Variants in SMPD2 observed in about 807,000 individuals in gnomAD.
The protein encoded by SMPD2 is sphingomyelin phosphodiesterase 2.
In SMPD2, 35 loss-of-function variants were observed where a neutral mutation model predicts 41.7. That is an observed-to-expected ratio of 0.84 (90% confidence interval 0.64 to 1.11). The LOEUF (loss-of-function observed/expected upper bound fraction) is 1.11. Among genes scored for constraint, SMPD2 ranks in the 50% most tolerant of loss-of-function variants. SMPD2 has a pLI of 0.00. For synonymous variants in SMPD2, 201 were observed against 208.2 expected, an observed-to-expected ratio of 0.97 and a Z score of 0.30; for missense variants, 520 against 524.8, an observed-to-expected ratio of 0.99 and a Z score of 0.09.
rs1774876194 is a variant in SMPD2 at position 109,441,412 on chromosome 6, T to C, written c.106T>C (p.Phe36Leu). Residue 36 changes from phenylalanine (F) to leucine (L), a missense_variant, in exon 2 of 10, where the codon TTT becomes CTT. Coordinates refer to ENST00000258052, the MANE Select transcript of SMPD2 (RefSeq NM_003080.3). ...CGACCGCATGAGGCGCCTGGGAGAC[T>C]TTCTGAACCAGGAGAGCTTCGACCT... Reference protein sequence around the residue: ...RADRMRRLGDFLNQESFDLAL... With the variant: ...RADRMRRLGDLLNQESFDLAL... 1 of 1,614,056 alleles carries C rather than the reference T, an allele frequency of 6.2e-7. No individual in the cohort carries two copies. Among genetic ancestry groups the C allele is most frequent in the Admixed American group, 1.7e-5 (1 of 60,004 alleles).
In SMPD2 at chr6:109,440,777, C is replaced by T. The variant is rs1026677283; in HGVS notation, c.-345C>T. 2 of 339,708 alleles carry T rather than the reference C, an allele frequency of 5.9e-6. No homozygotes were observed. The highest frequency in any genetic ancestry group is 4.3e-5 in the African/African-American group (2 of 46,120). The allele number at this position is 339,708 out of a possible 1,614,324, so 21.0% of individuals were successfully genotyped here. On this transcript the variant is annotated 5_prime_UTR_variant, in exon 1 of 10. Coordinates refer to ENST00000258052, the MANE Select transcript of SMPD2 (RefSeq NM_003080.3). ...CCGGCGCGCGGGCGGCCGCGACCGC[C>T]GGGGACGAGCTTGGAGGAAAAGGAA...
chr6:109,441,002 G>A lies in SMPD2; in HGVS notation c.-120G>A, dbSNP rs1774841546. On this transcript the variant is annotated 5_prime_UTR_variant, in exon 1 of 10. The change creates a new upstream start codon in the 5' untranslated region. Coordinates refer to ENST00000258052, the MANE Select transcript of SMPD2 (RefSeq NM_003080.3). ...AGCCACGCGGGCTTGGTGCCCACCT[G>A]TGCGCGCCGCCTGCGAAGAAGGAAC... 2.0e-6 allele frequency: 2 copies of A among 1,021,438 alleles called. No homozygotes were observed. Among genetic ancestry groups the A allele is most frequent in the African/African-American group, 1.6e-5 (1 of 62,504 alleles). The allele number at this position is 1,021,438 out of a possible 1,614,324, so 63.3% of individuals were successfully genotyped here.
intron 5 of SMPD2, 122 bp downstream of exon 5, chr6:109,442,421 C>A: frequency 7.5e-7 from 1 of 1,333,478 alleles, no homozygotes; most frequent in Non-Finnish European, 1.1e-6. Flanking sequence ...TATAAGGAAG[C>A]AATGGGCAAG....
intron 3 of SMPD2, 115 bp downstream of exon 3, chr6:109,441,743 A>G: frequency 9.6e-7 from 1 of 1,040,090 alleles, no homozygotes; most frequent in South Asian, 1.3e-5. Context: ...CTCCCTCTGG[A>G]TGTGAGAGAA....
At chr6:109,441,525 A>G in intron 2 of SMPD2, 27 bp from the exon 3 acceptor site, 1 of 1,613,930 alleles carries the variant, frequency 6.2e-7, no homozygotes, top group Non-Finnish European at 8.5e-7. Context: ...GGAAAGACCA[A>G]GCAGGCATCC....
rs529756695 is a variant in SMPD2 at position 109,440,773 on chromosome 6, C to T, written c.-349C>T. On this transcript the variant is annotated 5_prime_UTR_variant, in exon 1 of 10. Transcript: ENST00000258052. ...GCCGCCGGCGCGCGGGCGGCCGCGA[C>T]CGCCGGGGACGAGCTTGGAGGAAAA... The T allele has an allele frequency of 9.0e-6, 3 of 334,980 alleles. No homozygotes were observed. The South Asian group carries it at 3.5e-4, about 39-fold the overall frequency. The allele number at this position is 334,980 out of a possible 1,614,324, so 20.8% of individuals were successfully genotyped here.
chr6:109,442,813 G>C lies in SMPD2; in HGVS notation c.553G>C (p.Asp185His). The change falls in exon 7 of 10, where the codon GAC (aspartate) becomes CAC (histidine). Residue 185 changes from aspartate to histidine, a missense_variant. By Grantham distance (81) the Asp-to-His change is moderately conservative. Coordinates refer to ENST00000258052, the MANE Select transcript of SMPD2 (RefSeq NM_003080.3). Reference sequence around the variant, plus strand: ...TGGAGACCTCAACATGCACCCAGAAGACCTGGGCTGCTGCCTGCTGAAGGA... The same window carrying C: ...TGGAGACCTCAACATGCACCCAGAACACCTGGGCTGCTGCCTGCTGAAGGA... ...LCGDLNMHPE[D>H]LGCCLLKEWT... is the part of the protein sequence containing the mutation. The C allele has an allele frequency of 6.2e-7, 1 of 1,614,200 alleles. No individual in the cohort carries two copies. The highest frequency in any genetic ancestry group is 8.5e-7 in the Non-Finnish European group (1 of 1,180,042).
chr6:109,443,157 G>A, intron 8 of SMPD2, 76 bp downstream of exon 8: 2 of 1,549,706 alleles, frequency 1.3e-6, no homozygotes, highest in Non-Finnish European at 1.8e-6. Flanking sequence ...CCTTTGCTCA[G>A]CTAGTCTAGT....
In SMPD2 at chr6:109,443,709, C is replaced by A. The variant is rs144721755; in HGVS notation, c.1076C>A (p.Thr359Asn). Residue 359 changes from threonine to asparagine, a missense_variant, in exon 10 of 10, where the codon ACC becomes AAC. Physicochemically the swap from Thr to Asn is moderately conservative, Grantham distance 65. Transcript: ENST00000258052. ...GAGEAAILLW[T>N]PSVGLVLWAG... ...GGGGAAGCTGCCATACTGCTCTGGA[C>A]CCCCAGTGTAGGGCTGGTGCTGTGG... 1.2e-6 allele frequency: 2 copies of A among 1,614,014 alleles called. No individual in the cohort carries two copies. Among genetic ancestry groups the A allele is most frequent in the Non-Finnish European group, 1.7e-6 (2 of 1,179,920 alleles).
rs752488194 is a variant in SMPD2 at position 109,442,786 on chromosome 6, T to G, written c.526T>G (p.Cys176Gly). 7 of 1,614,038 alleles carry G rather than the reference T, an allele frequency of 4.3e-6. No homozygotes were observed. In the African/African-American group the frequency reaches 6.7e-5, roughly 15 times the overall value. The change falls in exon 7 of 10, where the codon TGT (cysteine) becomes GGT (glycine). Residue 176 changes from cysteine (C) to glycine (G), a missense_variant. Transcript: ENST00000258052. ...TSKKADVVLL[C>G]GDLNMHPEDL... ...CAAGAAGGCAGACGTGGTTCTGTTG[T>G]GTGGAGACCTCAACATGCACCCAGA...
At chr6:109,442,713 G>A (rs1374967599) in intron 6 of SMPD2, 39 bp from the exon 7 acceptor site, 12 of 1,612,832 alleles carry the variant, frequency 7.4e-6, no homozygotes, top group Non-Finnish European at 1.0e-5. Context: ...AAGAGCTGGT[G>A]ATGGAAGAAC....
At chr6:109,441,318 C>A (rs764052769) in intron 1 of SMPD2, 39 bp from the exon 2 acceptor site, 3 of 1,599,178 alleles carry the variant, frequency 1.9e-6, no homozygotes, top group Non-Finnish European at 2.6e-6. Context: ...CCGGTGGTCC[C>A]AGCAGTCGCC....
chr6:109,442,366 T>G (rs1582626729), intron 5 of SMPD2, 67 bp downstream of exon 5: 2 of 1,466,042 alleles, frequency 1.4e-6, no homozygotes, highest in Non-Finnish European at 1.9e-6. Flanking sequence ...GAGATGGTAC[T>G]TCTCTAGCTC....
rs1774885171 is a variant in SMPD2, at chr6:109,441,555, T to C, written c.151T>C (p.Trp51Arg). Residue 51 changes from tryptophan (W) to arginine (R), a missense_variant, in exon 3 of 10, where the codon TGG becomes CGG. Trp to Arg is a moderately radical substitution (Grantham distance 101). Coordinates refer to ENST00000258052, the MANE Select transcript of SMPD2 (RefSeq NM_003080.3). ...GCATCCTCACCGCTTCCCTCAGGTG[T>C]GGAGTGAGCAGGACTTCCAGTACCT... ...SFDLALLEEV[W>R]SEQDFQYLRQ... 1.9e-6 allele frequency: 3 copies of C among 1,614,034 alleles called. No individual in the cohort carries two copies. The highest frequency in any genetic ancestry group is 2.5e-6 in the Non-Finnish European group (3 of 1,179,924).
rs1775060281 is a variant in SMPD2 at position 109,443,685 on chromosome 6, G to A, written c.1052G>A (p.Gly351Glu). 4 of 1,613,994 alleles carry A rather than the reference G, an allele frequency of 2.5e-6. No individual in the cohort carries two copies. Among genetic ancestry groups the A allele is most frequent in the Non-Finnish European group, 3.4e-6 (4 of 1,179,892 alleles). ...GTCCTGGCGGCTGGAGGAGGGGCCG[G>A]GGAAGCTGCCATACTGCTCTGGACC... ...LCVLAAGGGA[G>E]EAAILLWTPS... Residue 351 changes from glycine (G) to glutamate (E), a missense_variant, in exon 10 of 10, where the codon GGG becomes GAG. Gly to Glu is a moderately conservative substitution (Grantham distance 98). Transcript: ENST00000258052.
At chr6:109,442,464 G>A in intron 5 of SMPD2, 79 bp from the exon 6 acceptor site, 15 of 1,424,074 alleles carry the variant, frequency 1.1e-5, no homozygotes, top group African/African-American at 1.4e-5. Flanking sequence ...ACCATGCCAA[G>A]TGACAGACAC....
rs150426800 is a variant in SMPD2 at position 109,443,611 on chromosome 6, C to G, written c.978C>G (p.Phe326Leu). ...CTCAGGCTCGCTGGTGGGCCACCTTCGCTAGCTATGTGATTGGCCTGGGGC... is the reference window on the plus strand; with the variant it reads ...CTCAGGCTCGCTGGTGGGCCACCTTGGCTAGCTATGTGATTGGCCTGGGGC... Reference protein sequence around the residue: ...GMAQARWWATFASYVIGLGLL... With the variant: ...GMAQARWWATLASYVIGLGLL... Residue 326 changes from phenylalanine to leucine, a missense_variant, in exon 10 of 10, where the codon TTC (phenylalanine) becomes TTG (leucine). Phe to Leu is a conservative substitution (Grantham distance 22, BLOSUM62 0). Transcript: ENST00000258052. 2.5e-5 allele frequency: 40 copies of G among 1,613,880 alleles called. No homozygotes were observed. The African/African-American group carries it at 4.7e-4, about 19-fold the overall frequency.
At position 109,441,166 on chromosome 6, in the gene SMPD2, C is replaced by T. The variant is rs758452934; in HGVS notation, c.45C>T (p.Asn15=). The change falls in exon 1 of 10, where the codon AAC becomes AAT. Residue 15 remains asparagine (N), a synonymous_variant. Transcript: ENST00000258052. Reference sequence around the variant, plus strand: ...TGCGACTGCGGATCTTCAACCTCAACTGCTGGTGAGTGCGTCTGCGGAGTG... The same window carrying T: ...TGCGACTGCGGATCTTCAACCTCAATTGCTGGTGAGTGCGTCTGCGGAGTG... ...FSLRLRIFNL[N]CWGIPYLSKH... 1.2e-5 allele frequency: 19 copies of T among 1,614,058 alleles called. No individual in the cohort carries two copies. Among genetic ancestry groups the T allele is most frequent in the Non-Finnish European group, 1.5e-5 (18 of 1,180,000 alleles).
chr6:109,443,892 C>T lies in SMPD2; in HGVS notation c.1259C>T (p.Thr420Ile), dbSNP rs770590754. The T allele has an allele frequency of 6.2e-7, 1 of 1,607,254 alleles. No homozygotes were observed. The highest frequency in any genetic ancestry group is 1.1e-5 in the South Asian group (1 of 90,952). ...CTGGGGCAGCAGGAGGGGGACAGAA[C>T]TAAAGAACAATAAAGCTTGGCCCTT... Reference protein sequence around the residue: ...LLLGQQEGDRTKEQ With the variant: ...LLLGQQEGDRIKEQ Residue 420 changes from threonine to isoleucine, a missense_variant, in exon 10 of 10, where the codon ACT becomes ATT. Coordinates refer to ENST00000258052, the MANE Select transcript of SMPD2 (RefSeq NM_003080.3).
Sources: gnomAD v4.1 joint callset for allele counts on GRCh38, gnomAD v4.1.1 for gene constraint, MANE v1.5 for transcripts, NCBI Gene and HGNC (gene_info 2026-07-23, HGNC 2026-07-21) for gene names.